CSMD1: variants seen among roughly 807,000 people sequenced by gnomAD.
The protein encoded by CSMD1 is CUB and sushi domain-containing protein 1.
Under a neutral mutation model 417.5 loss-of-function variants are expected in CSMD1, and 213 were observed. That is an observed-to-expected ratio of 0.51 (90% CI 0.46 to 0.57). The LOEUF is 0.57. Among genes scored for constraint, CSMD1 ranks in the 20% least tolerant of loss-of-function variants. The pLI is 0.00. For missense variants in CSMD1, 6,923 were observed against 4,529.7 expected, an observed-to-expected ratio of 1.53 and a Z score of -15.17; for synonymous variants, 2,862 against 1,736.8, an observed-to-expected ratio of 1.65 and a Z score of -16.11.
chr8:4,623,544 T>C (rs1657563873), intron 2 of CSMD1, among the ~76,000 whole-genome samples: 1 of 152,012 alleles, frequency 6.6e-6, no homozygotes, highest in Non-Finnish European at 1.5e-5. Context: ...CAAAGGAGCT[T>C]TATTTCTAAT....
intron 3 of CSMD1, among the ~76,000 whole-genome samples, chr8:4,074,556 G>A (rs995047913): frequency 1.3e-5 from 2 of 152,012 alleles, no homozygotes; most frequent in Non-Finnish European, 2.9e-5. Flanking sequence ...ATTCCCAGTG[G>A]AAGTTAAAGG....
chr8:4,966,071 A>C (rs1185898783), intron 1 of CSMD1, among the ~76,000 whole-genome samples: 1 of 152,048 alleles, frequency 6.6e-6, no homozygotes, highest in African/African-American at 2.4e-5. Flanking sequence ...ACTCGAATTG[A>C]AAGAGTTCCA....
chr8:3,363,858 A>G (rs1389391486), intron 20 of CSMD1, among the ~76,000 whole-genome samples: 1 of 152,200 alleles, frequency 6.6e-6, no homozygotes, highest in Non-Finnish European at 1.5e-5. Flanking sequence ...GCACATAGTT[A>G]GCAACTAGTA....
chr8:3,314,367 A>ATTT (rs564249063), intron 23 of CSMD1, among the ~76,000 whole-genome samples: 80 of 152,334 alleles, frequency 5.3e-4, no homozygotes, highest in African/African-American at 1.8e-3. Context: ...TGACTGATCA[A>ATTT]TTTTAAGCCT....
rs149517701 is a variant in CSMD1 at position 3,687,299 on chromosome 8, G to C, written c.1009+21115C>G. Among the ~76,000 whole-genome samples the C allele has an allele frequency of 1.1e-3, 163 of 152,310 alleles. 1 individual carries two copies. The highest frequency in any genetic ancestry group is 3.7e-3 in the African/African-American group (155 of 41,558). On this transcript the variant is annotated intron_variant, in intron 7 of 69. Coordinates refer to ENST00000635120, the MANE Select transcript of CSMD1 (RefSeq NM_033225.6). The stretch of plus-strand genomic sequence containing the variant: ...AAAAGTCTGTGGTTACCCCATGTAT[G>C]ATGGATGAAAAGGTGATCTGCTCCA...
intron 5 of CSMD1, among the ~76,000 whole-genome samples, chr8:3,820,354 G>A (rs1233742741): frequency 1.3e-5 from 2 of 152,080 alleles, no homozygotes. Context: ...GTTTGAACTG[G>A]GATATATGGT....
At chr8:4,850,578 T>C (rs768281462) in intron 1 of CSMD1, among the ~76,000 whole-genome samples, 1 of 152,050 alleles carries the variant, frequency 6.6e-6, no homozygotes, top group Non-Finnish European at 1.5e-5. Context: ...TTCAGCGAAG[T>C]AGAAATCCTT....
chr8:3,169,394 G>A (rs1463470403), intron 37 of CSMD1, among the ~76,000 whole-genome samples: 1 of 152,008 alleles, frequency 6.6e-6, no homozygotes, highest in Non-Finnish European at 1.5e-5. Context: ...ACATTCTGCT[G>A]CTAAGTGAAA....
chr8:4,946,482 C>T (rs577320139), intron 1 of CSMD1, among the ~76,000 whole-genome samples: 1 of 152,186 alleles, frequency 6.6e-6, no homozygotes, highest in African/African-American at 2.4e-5. Context: ...ATGGAGACTA[C>T]CCTCCCCAGG....
Position 2,963,715 on chromosome 8 carries a change from G to A in CSMD1, c.9281-320C>T, listed in dbSNP as rs1005479064. On this transcript the variant is annotated intron_variant, in intron 59 of 69. Transcript: ENST00000635120. ...TGCTTAATTTGTGTCTTTTTATGATGGTTACCAAAGACAATTCGAATGAGG... is the reference window on the plus strand; with the variant it reads ...TGCTTAATTTGTGTCTTTTTATGATAGTTACCAAAGACAATTCGAATGAGG... Among the ~76,000 whole-genome samples the A allele has an allele frequency of 7.2e-5, 11 of 152,244 alleles. No homozygotes were observed. In the East Asian group the frequency reaches 2.1e-3, roughly 29 times the overall value.
Position 4,621,689 on chromosome 8 carries a change from G to A in CSMD1, c.302+15653C>T, listed in dbSNP as rs186839551. The stretch of plus-strand genomic sequence containing the variant: ...CTGCTCATTTTTTTAATAATTTACC[G>A]TCTCCTGTACAGTGAAATCTTAAAA... On this transcript the variant is annotated intron_variant, in intron 2 of 69. Coordinates refer to ENST00000635120, the MANE Select transcript of CSMD1 (RefSeq NM_033225.6). Among the ~76,000 whole-genome samples, 169 of 151,796 alleles carry A rather than the reference G, an allele frequency of 1.1e-3. 2 individuals are homozygous for A. The highest frequency in any genetic ancestry group is 2.9e-3 in the African/African-American group (119 of 41,404).
intron 1 of CSMD1, among the ~76,000 whole-genome samples, chr8:4,894,516 G>T: frequency 6.7e-6 from 1 of 148,346 alleles, no homozygotes; most frequent in Non-Finnish European, 1.5e-5. Flanking sequence ...TCGCACCATC[G>T]CATTCCAGCC....
At chr8:4,201,412 C>T (rs187449039) in intron 3 of CSMD1, among the ~76,000 whole-genome samples, 1 of 151,796 alleles carries the variant, frequency 6.6e-6, no homozygotes, top group African/African-American at 2.4e-5. Flanking sequence ...GCGCTGGGCG[C>T]CTGTAGTCCC....
chr8:4,360,852 C>G (rs1025504677), intron 3 of CSMD1, among the ~76,000 whole-genome samples: 2 of 152,094 alleles, frequency 1.3e-5, no homozygotes, highest in African/African-American at 4.8e-5. Flanking sequence ...TTCTGGTCTC[C>G]TTTATCTATC....
At chr8:4,319,712 G>A (rs1285466241) in intron 3 of CSMD1, among the ~76,000 whole-genome samples, 1 of 152,076 alleles carries the variant, frequency 6.6e-6, no homozygotes, top group Non-Finnish European at 1.5e-5. Flanking sequence ...GCAGTTCTTG[G>A]ATTAGAGGAA....
rs192710236 is a variant in CSMD1 at position 4,635,013 on chromosome 8, A to C, written c.302+2329T>G. 6.6e-5 allele frequency among the ~76,000 whole-genome samples: 10 copies of C among 152,310 alleles called. No homozygotes were observed. The East Asian group carries it at 1.9e-3, about 29-fold the overall frequency. On this transcript the variant is annotated intron_variant, in intron 2 of 69. Coordinates refer to ENST00000635120, the MANE Select transcript of CSMD1 (RefSeq NM_033225.6). The stretch of plus-strand genomic sequence containing the variant: ...TCTACGTATGCGGATAGGAGGAAGA[A>C]ATATAAAATGGAATATCAAGATGAA...
chr8:4,660,226 C>G (rs1345508003), intron 1 of CSMD1, among the ~76,000 whole-genome samples: 3 of 151,808 alleles, frequency 2.0e-5, no homozygotes, highest in East Asian at 1.9e-4. Context: ...CCCAAGGAAT[C>G]TACCAAGAAA....
chr8:4,406,983 T>C (rs1322822565), intron 3 of CSMD1, among the ~76,000 whole-genome samples: 1 of 152,214 alleles, frequency 6.6e-6, no homozygotes, highest in Non-Finnish European at 1.5e-5. Context: ...GAAAATGTTC[T>C]AGCTTTAGGG....
At chr8:4,782,438 C>A (rs1797202047) in intron 1 of CSMD1, among the ~76,000 whole-genome samples, 1 of 152,082 alleles carries the variant, frequency 6.6e-6, no homozygotes, top group Admixed American at 6.6e-5. Context: ...GTTTTATTTT[C>A]ATTACATATA....
Sources: gnomAD v4.1 joint callset for allele counts (sites outside exome capture counted in the v4.1 genomes callset) on GRCh38, gnomAD v4.1.1 for gene constraint, MANE v1.5 for transcripts, NCBI Gene and HGNC (gene_info 2026-07-23, HGNC 2026-07-21) for gene names.